ZDHHC14: variants seen among roughly 807,000 people sequenced by gnomAD.
ZDHHC14 encodes the protein zDHHC palmitoyltransferase 14.
ZDHHC14 carries 16 observed loss-of-function variants against 47.7 expected under a neutral mutation model. The observed-to-expected ratio is 0.34, with a 90% confidence interval of 0.23 to 0.51. The LOEUF is 0.51. ZDHHC14 is among the 20% of genes least tolerant of loss of function. The pLI is 0.97. For missense variants in ZDHHC14, 515 were observed against 662.5 expected, an observed-to-expected ratio of 0.78 and a Z score of 2.44; for synonymous variants, 293 against 278.9, an observed-to-expected ratio of 1.05 and a Z score of -0.50.
At chr6:157,550,023 CT>C (rs1262573117) in intron 2 of ZDHHC14, among the ~76,000 whole-genome samples, 1 of 152,222 alleles carries the variant, frequency 6.6e-6, no homozygotes, top group African/African-American at 2.4e-5. Flanking sequence ...GGTGGACGTC[CT>C]TCACAGAATT....
rs542895769 is a variant in ZDHHC14, at chr6:157,383,527, C to T, written c.245+1261C>T. Among the ~76,000 whole-genome samples, 7 of 152,336 alleles carry T rather than the reference C, an allele frequency of 4.6e-5. No homozygotes were observed. In the East Asian group the frequency reaches 7.7e-4, roughly 17 times the overall value. Reference sequence around the variant, plus strand: ...TTGGAAATGAATGATCTCTTGACAACGTAATACTTGTCGCTCAAAGCCCTC... The same window carrying T: ...TTGGAAATGAATGATCTCTTGACAATGTAATACTTGTCGCTCAAAGCCCTC... On this transcript the variant is annotated intron_variant, in intron 1 of 8. Coordinates refer to ENST00000359775, the MANE Select transcript of ZDHHC14 (RefSeq NM_024630.3).
chr6:157,398,171 A>T (rs1011798364), intron 1 of ZDHHC14, among the ~76,000 whole-genome samples: 1 of 151,970 alleles, frequency 6.6e-6, no homozygotes, highest in Admixed American at 6.6e-5. Flanking sequence ...TCAGTAGAGT[A>T]TGGAAACAGG....
chr6:157,651,083 T>A (rs1777812531), intron 7 of ZDHHC14, among the ~76,000 whole-genome samples: 2 of 152,238 alleles, frequency 1.3e-5, no homozygotes, highest in Non-Finnish European at 2.9e-5. Context: ...TCTCTTGGGC[T>A]GAGTCCTGTA....
At chr6:157,434,381 C>A (rs1056402194) in intron 1 of ZDHHC14, among the ~76,000 whole-genome samples, 1 of 151,998 alleles carries the variant, frequency 6.6e-6, no homozygotes, top group Admixed American at 6.6e-5. Flanking sequence ...AGGAGCTGGG[C>A]CTGTTCACAC....
chr6:157,667,162 C>T (rs1583100366), intron 8 of ZDHHC14, among the ~76,000 whole-genome samples: 2 of 152,332 alleles, frequency 1.3e-5, no homozygotes, highest in African/African-American at 2.4e-5. Flanking sequence ...GGAATAAAAA[C>T]ATGAGTATCT....
intron 1 of ZDHHC14, among the ~76,000 whole-genome samples, chr6:157,472,573 A>G (rs551974283): frequency 5.3e-4 from 80 of 152,228 alleles, no homozygotes; most frequent in African/African-American, 1.8e-3. Context: ...CAGAATCCAC[A>G]CTTACCATGT....
At chr6:157,587,206 T>C (rs960254766) in intron 2 of ZDHHC14, among the ~76,000 whole-genome samples, 2 of 152,236 alleles carry the variant, frequency 1.3e-5, no homozygotes, top group African/African-American at 2.4e-5. Flanking sequence ...ATAGAGGCAA[T>C]AGATTTCACA....
intron 2 of ZDHHC14, among the ~76,000 whole-genome samples, chr6:157,557,199 C>G (rs2114834166): frequency 6.6e-6 from 1 of 152,358 alleles, no homozygotes; most frequent in South Asian, 2.1e-4. Context: ...CTAGCACAGC[C>G]TCTCGCACGC....
At chr6:157,403,299 A>G (rs142956162) in intron 1 of ZDHHC14, among the ~76,000 whole-genome samples, 4 of 152,332 alleles carry the variant, frequency 2.6e-5, no homozygotes, top group African/African-American at 9.6e-5. Flanking sequence ...ACAATAACCT[A>G]CGAAATAACC....
At chr6:157,626,974 C>T (rs1785457128) in intron 3 of ZDHHC14, among the ~76,000 whole-genome samples, 1 of 151,752 alleles carries the variant, frequency 6.6e-6, no homozygotes, top group African/African-American at 2.4e-5. Flanking sequence ...CCCTGAGTGT[C>T]AGCATCTTAT....
intron 8 of ZDHHC14, among the ~76,000 whole-genome samples, chr6:157,660,163 A>G (rs1002836686): frequency 2.7e-5 from 4 of 150,900 alleles, no homozygotes; most frequent in South Asian, 2.1e-4. Context: ...TGCCAGGCCC[A>G]TGTACTTTCT....
intron 1 of ZDHHC14, among the ~76,000 whole-genome samples, chr6:157,437,274 G>T (rs1355191216): frequency 1.3e-5 from 2 of 152,222 alleles, no homozygotes; most frequent in African/African-American, 2.4e-5. Context: ...ACCTGCAGGG[G>T]CCATGCAGGA....
Position 157,676,073 on chromosome 6 carries a change from G to A in ZDHHC14, c.*2951G>A, listed in dbSNP as rs775300679. 6.6e-6 allele frequency: 1 copy of A among 152,190 alleles called. No homozygotes were observed. Among genetic ancestry groups the A allele is most frequent in the African/African-American group, 2.4e-5 (1 of 41,444 alleles). The allele number at this position is 152,190 out of a possible 1,614,324, so 9.4% of individuals were successfully genotyped here. Reference sequence around the variant, plus strand: ...GGAAGCAGGCGGATGCTGCAGGAAGGTGGCAGACAGCCTGCATCCAGGAGG... The same window carrying A: ...GGAAGCAGGCGGATGCTGCAGGAAGATGGCAGACAGCCTGCATCCAGGAGG... On this transcript the variant is annotated 3_prime_UTR_variant, in exon 9 of 9. Coordinates refer to ENST00000359775, the MANE Select transcript of ZDHHC14 (RefSeq NM_024630.3).
chr6:157,487,802 G>T (rs1197413578), intron 1 of ZDHHC14, among the ~76,000 whole-genome samples: 1 of 152,172 alleles, frequency 6.6e-6, no homozygotes, highest in Non-Finnish European at 1.5e-5. Flanking sequence ...AGCCTCGGCA[G>T]CCTCATGACT....
chr6:157,455,280 G>C (rs1483976743), intron 1 of ZDHHC14, among the ~76,000 whole-genome samples: 1 of 152,246 alleles, frequency 6.6e-6, no homozygotes, highest in Admixed American at 6.5e-5. Context: ...GGCAGCAGAA[G>C]TGCTCTAGAG....
intron 8 of ZDHHC14, among the ~76,000 whole-genome samples, chr6:157,669,339 G>A (rs1213627243): frequency 6.6e-6 from 1 of 151,960 alleles, no homozygotes; most frequent in Non-Finnish European, 1.5e-5. Flanking sequence ...GTGGTGGGGG[G>A]GGAAGACAGA....
intron 4 of ZDHHC14, chr6:157,629,486 G>A (rs1486271616): frequency 6.7e-6 from 1 of 149,960 alleles, no homozygotes. Flanking sequence ...CTCACGTTAG[G>A]AGTACATCTT....
intron 1 of ZDHHC14, among the ~76,000 whole-genome samples, chr6:157,499,353 C>A (rs1467904526): frequency 6.6e-6 from 1 of 152,096 alleles, no homozygotes; most frequent in Non-Finnish European, 1.5e-5. Context: ...GCGGGTGGTG[C>A]CTTCTCCTTG....
intron 1 of ZDHHC14, among the ~76,000 whole-genome samples, chr6:157,392,606 GT>G (rs1421416163): frequency 4.0e-5 from 6 of 151,524 alleles, no homozygotes; most frequent in African/African-American, 1.5e-4. Flanking sequence ...AGAAAAAATT[GT>G]TTCCTCTGCC....
Sources: gnomAD v4.1 joint callset for allele counts (sites outside exome capture counted in the v4.1 genomes callset) on GRCh38, gnomAD v4.1.1 for gene constraint, MANE v1.5 for transcripts, NCBI Gene and HGNC (gene_info 2026-07-23, HGNC 2026-07-21) for gene names.